The following CDYL variants were observed in gnomAD, a reference collection of about 807,000 sequenced individuals.
The protein encoded by CDYL is chromodomain Y-like protein.
A neutral mutation model predicts 47.3 loss-of-function variants in CDYL; 8 were observed. The ratio of observed to expected loss-of-function variants is 0.17; its 90% confidence interval spans 0.10 to 0.31. The LOEUF is 0.31. CDYL is among the 10% of genes least tolerant of loss of function. The pLI, the probability that CDYL is intolerant of heterozygous loss-of-function variation, is 1.00. For synonymous variants in CDYL, 266 were observed against 265.0 expected, an observed-to-expected ratio of 1.00 and a Z score of -0.04; for missense variants, 471 against 701.4, an observed-to-expected ratio of 0.67 and a Z score of 3.71.
chr6:4,901,058 C>G (rs561237931), intron 2 of CDYL, among the ~76,000 whole-genome samples: 135 of 151,210 alleles, frequency 8.9e-4, no homozygotes, highest in African/African-American at 3.1e-3. Context: ...TAGAAAACTT[C>G]CAATTAATGT....
At chr6:4,773,834 A>G (rs545987290), upstream of CDYL, among the ~76,000 whole-genome samples, 1 of 152,342 alleles carries the variant, frequency 6.6e-6, no homozygotes, top group East Asian at 1.9e-4. The surrounding 1 kb of genome is among the most constrained non-coding windows in gnomAD (Gnocchi z 4.6). Flanking sequence ...TAGCAGCATA[A>G]ACATTCCAGA....
At chr6:4,780,130 T>C (rs1324584746) in intron 1 of CDYL, among the ~76,000 whole-genome samples, 1 of 152,160 alleles carries the variant, frequency 6.6e-6, no homozygotes, top group Non-Finnish European at 1.5e-5. Flanking sequence ...TGGGGATGTA[T>C]GGAAGTTAGA....
chr6:4,824,720 T>C (rs1759930148), intron 1 of CDYL, among the ~76,000 whole-genome samples: 1 of 151,664 alleles, frequency 6.6e-6, no homozygotes, highest in Non-Finnish European at 1.5e-5. Context: ...TGGTTAAAGT[T>C]CAGTTTACCT....
At chr6:4,721,717 G>A (rs7767968) in intron 2 of CDYL, among the ~76,000 whole-genome samples, 19,491 of 151,934 alleles carry the variant, frequency 0.13, 1,533 homozygotes, top group African/African-American at 0.23. Flanking sequence ...GTCACTGCTT[G>A]CTGTCTCACA....
chr6:4,784,668 C>T (rs183969392), intron 1 of CDYL, among the ~76,000 whole-genome samples: 8 of 152,228 alleles, frequency 5.3e-5, no homozygotes, highest in Admixed American at 2.0e-4. Flanking sequence ...ATGGTGGTCC[C>T]GTAAGATTAT....
intron 2 of CDYL, chr6:4,724,756 C>G (rs965208497): frequency 6.6e-6 from 1 of 152,216 alleles, no homozygotes; most frequent in Non-Finnish European, 1.5e-5. Flanking sequence ...AGTGAAGCTG[C>G]AAACCTTCGG....
At chr6:4,843,051 C>A (rs1760549697) in intron 1 of CDYL, among the ~76,000 whole-genome samples, 1 of 152,128 alleles carries the variant, frequency 6.6e-6, no homozygotes, top group Non-Finnish European at 1.5e-5. Flanking sequence ...ATCTTTTCAT[C>A]ATTTATGAAG....
chr6:4,843,524 T>A (rs534119830), intron 1 of CDYL, among the ~76,000 whole-genome samples: 3 of 149,426 alleles, frequency 2.0e-5, no homozygotes, highest in East Asian at 1.9e-4. Context: ...TTTTTTTTTT[T>A]AATTCTTTTT....
intron 1 of CDYL, among the ~76,000 whole-genome samples, chr6:4,806,451 G>C (rs1421365318): frequency 1.3e-5 from 2 of 152,196 alleles, no homozygotes; most frequent in African/African-American, 4.8e-5. Context: ...TTTTGCAGTA[G>C]TTTTAGAGTT....
At chr6:4,725,129 G>A (rs1252831505) in intron 2 of CDYL, among the ~76,000 whole-genome samples, 1 of 152,210 alleles carries the variant, frequency 6.6e-6, no homozygotes, top group African/African-American at 2.4e-5. Flanking sequence ...GCTAGACACA[G>A]GGTTTGTGTC....
chr6:4,818,312 T>C (rs867626645), intron 1 of CDYL, among the ~76,000 whole-genome samples: 13 of 152,024 alleles, frequency 8.6e-5, no homozygotes, highest in African/African-American at 3.1e-4. Context: ...AAAAGGAGTG[T>C]GGGCAATATA....
At chr6:4,786,219 T>G (rs17346907) in intron 1 of CDYL, among the ~76,000 whole-genome samples, 5,368 of 152,328 alleles carry the variant, frequency 0.035, 161 homozygotes, top group South Asian at 0.13. Flanking sequence ...TCAAGTTACC[T>G]TACATGTTTT....
chr6:4,893,435 G>A (rs900801853), intron 2 of CDYL, among the ~76,000 whole-genome samples: 2 of 152,228 alleles, frequency 1.3e-5, no homozygotes, highest in African/African-American at 4.8e-5. Flanking sequence ...GCTCATGCCT[G>A]TAGTCTCAAC....
exon 2 of CDYL, chr6:4,715,831 A>G: frequency 1.2e-6 from 2 of 1,614,202 alleles, no homozygotes; most frequent in Non-Finnish European, 1.7e-6. Context: ...AGGAAGAAAA[A>G]CTGGCAATAC....
chr6:4,815,874 T>G (rs1581185235), intron 1 of CDYL, among the ~76,000 whole-genome samples: 1 of 152,030 alleles, frequency 6.6e-6, no homozygotes, highest in East Asian at 1.9e-4. Context: ...CATCAACTCT[T>G]TCTTTATGAC....
chr6:4,908,480 T>G (rs1561702495), intron 2 of CDYL, among the ~76,000 whole-genome samples: 1 of 152,224 alleles, frequency 6.6e-6, no homozygotes, highest in African/African-American at 2.4e-5. Flanking sequence ...TGTAGTTTGC[T>G]CAGCCTTTAG....
chr6:4,931,402 T>C (rs1362489808), intron 2 of CDYL, among the ~76,000 whole-genome samples: 1 of 152,190 alleles, frequency 6.6e-6, no homozygotes, highest in Non-Finnish European at 1.5e-5. Context: ...ATGCTGAAAT[T>C]TGAGCTGCCG....
At chr6:4,837,096 A>G (rs1039117039) in intron 1 of CDYL, among the ~76,000 whole-genome samples, 1 of 152,216 alleles carries the variant, frequency 6.6e-6, no homozygotes. Context: ...GAGGATCCAG[A>G]TAAGATAGGT....
At chr6:4,740,761 C>G (rs1757782902) in intron 3 of CDYL, among the ~76,000 whole-genome samples, 1 of 151,318 alleles carries the variant, frequency 6.6e-6, no homozygotes, top group Non-Finnish European at 1.5e-5. Context: ...AGAATGGCAT[C>G]TGTTGGAAAG....
Sources: allele counts gnomAD v4.1 joint callset (sites outside exome capture counted in the v4.1 genomes callset), GRCh38; gene constraint gnomAD v4.1.1; non-coding constraint Gnocchi (gnomAD v3.1); transcripts MANE v1.5; gene names NCBI Gene and HGNC (gene_info 2026-07-23, HGNC 2026-07-21).